The following HPSE2 variants were observed in gnomAD, a reference collection of about 807,000 sequenced individuals.
HPSE2 encodes the protein heparanase 2 (inactive).
In HPSE2, 38 loss-of-function variants were observed where a neutral mutation model predicts 60.5. The observed-to-expected ratio is 0.63, with a 90% CI of 0.48 to 0.82. The LOEUF (loss-of-function observed/expected upper bound fraction) is 0.82. Ranked by LOEUF, HPSE2 falls within the 40% of genes least tolerant of loss-of-function variation. The pLI is 0.00. For synonymous variants in HPSE2, 295 were observed against 293.2 expected (o/e 1.01, Z -0.06); for missense variants, 713 against 740.4 (o/e 0.96, Z 0.43).
chr10:99,136,410 T>C (rs1589714202), intron 3 of HPSE2, among the ~76,000 whole-genome samples: 1 of 152,180 alleles, frequency 6.6e-6, no homozygotes, highest in Non-Finnish European at 1.5e-5. Context: ...ATCATCCTGA[T>C]ACCAAAGCCT....
chr10:98,645,671 G>C (rs1222678572), intron 6 of HPSE2, among the ~76,000 whole-genome samples: 1 of 152,122 alleles, frequency 6.6e-6, no homozygotes, highest in Non-Finnish European at 1.5e-5. Context: ...ACTTTTAAGA[G>C]AGGGGATCAT....
chr10:99,053,719 CTTTTTTTTTT>C (rs11301458), intron 3 of HPSE2, among the ~76,000 whole-genome samples: 1 of 57,784 alleles, frequency 1.7e-5, no homozygotes, highest in African/African-American at 7.8e-5. Flanking sequence ...GAGTTACAGT[CTTTTTTTTTT>C]TTTTTTTTTT....
At chr10:98,855,676 G>A (rs114846152) in intron 3 of HPSE2, among the ~76,000 whole-genome samples, 477 of 152,164 alleles carry the variant, frequency 3.1e-3, no homozygotes, top group African/African-American at 0.011. Context: ...AATGACTGAC[G>A]AGAAAGCCCC....
rs10636449 is a variant in HPSE2 at position 98,570,451 on chromosome 10, A to ATTTTTT, written c.1320+44447_1320+44452dup. Reference sequence around the variant, plus strand: ...GGACTAAGAGGAAGTGTTTTTGTGGATTTTTTTTTTGGTCTTGTTTTTAAA... The same window carrying ATTTTTT: ...GGACTAAGAGGAAGTGTTTTTGTGGATTTTTTTTTTTTTTTTGGTCTTGTTTTTAAA... On this transcript the variant is annotated intron_variant, in intron 9 of 11. Coordinates refer to ENST00000370552, the MANE Select transcript of HPSE2 (RefSeq NM_021828.5). Among the ~76,000 whole-genome samples, 397 of 147,714 alleles carry ATTTTTT rather than the reference A, an allele frequency of 2.7e-3. 3 individuals are homozygous for ATTTTTT. Among genetic ancestry groups the ATTTTTT allele is most frequent in the African/African-American group, 5.5e-3 (222 of 40,434 alleles).
intron 5 of HPSE2, among the ~76,000 whole-genome samples, chr10:98,709,547 G>T (rs1948627410): frequency 6.6e-6 from 1 of 152,194 alleles, no homozygotes; most frequent in Admixed American, 6.6e-5. Context: ...AGAGGGAAGA[G>T]GACAGGGCCT....
At chr10:98,892,113 T>C (rs1258900228) in intron 3 of HPSE2, among the ~76,000 whole-genome samples, 2 of 152,150 alleles carry the variant, frequency 1.3e-5, no homozygotes, top group East Asian at 3.9e-4. Context: ...TTATGTATAC[T>C]TTGAGTATCT....
intron 3 of HPSE2, among the ~76,000 whole-genome samples, chr10:99,044,761 G>C (rs1031255870): frequency 1.3e-5 from 2 of 151,986 alleles, no homozygotes; most frequent in Admixed American, 1.3e-4. Flanking sequence ...AAAATAACAA[G>C]GGCAAAGAAG....
chr10:98,470,042 G>T (rs1940711537), intron 11 of HPSE2, among the ~76,000 whole-genome samples: 1 of 152,048 alleles, frequency 6.6e-6, no homozygotes, highest in Non-Finnish European at 1.5e-5. Context: ...GAGAATGTGG[G>T]GCTACAAAGC....
rs77375487 is a variant in HPSE2 at position 98,872,103 on chromosome 10, C to T, written c.611-128047G>A. 8.6e-3 allele frequency among the ~76,000 whole-genome samples: 1,304 copies of T among 151,900 alleles called. 15 individuals are homozygous for T. The highest frequency in any genetic ancestry group is 0.03 in the African/African-American group (1,251 of 41,434). Reference sequence around the variant, plus strand: ...ACCATTTAGGCATTTTTGTGAGGTCCGTTACTATATGGACTAGTACTAAAT... The same window carrying T: ...ACCATTTAGGCATTTTTGTGAGGTCTGTTACTATATGGACTAGTACTAAAT... On this transcript the variant is annotated intron_variant, in intron 3 of 11. Coordinates refer to ENST00000370552, the MANE Select transcript of HPSE2 (RefSeq NM_021828.5).
At chr10:98,612,328 G>A (rs529747455) in intron 9 of HPSE2, among the ~76,000 whole-genome samples, 6 of 152,114 alleles carry the variant, frequency 3.9e-5, no homozygotes, top group Non-Finnish European at 7.3e-5. Context: ...CTTACTACTC[G>A]TCTGACCTTG....
intron 3 of HPSE2, among the ~76,000 whole-genome samples, chr10:99,143,452 A>G (rs920435229): frequency 1.3e-5 from 2 of 152,188 alleles, no homozygotes; most frequent in Admixed American, 1.3e-4. Context: ...AATATTCATA[A>G]ACAAGGGAAA....
rs1372314595 is a variant in HPSE2 at position 98,457,644 on chromosome 10, C to G, written c.*1930G>C. 6.6e-6 allele frequency: 1 copy of G among 151,848 alleles called. No individual in the cohort carries two copies. Among genetic ancestry groups the G allele is most frequent in the Non-Finnish European group, 1.5e-5 (1 of 68,168 alleles). The allele number at this position is 151,848 out of a possible 1,614,324, so 9.4% of individuals were successfully genotyped here. On this transcript the variant is annotated 3_prime_UTR_variant, in exon 12 of 12. Coordinates refer to ENST00000370552, the MANE Select transcript of HPSE2 (RefSeq NM_021828.5). ...ACCTTTTAGTCTCATTTCTCTTTTCCTCTCTTTTCCTCACTTTGGCCTGTC... is the reference window on the plus strand; with the variant it reads ...ACCTTTTAGTCTCATTTCTCTTTTCGTCTCTTTTCCTCACTTTGGCCTGTC...
rs533058693 is a variant in HPSE2 at position 98,500,810 on chromosome 10, TAAGAA to T, written c.1321-10619_1321-10615del. Among the ~76,000 whole-genome samples the T allele has an allele frequency of 2.8e-3, 417 of 151,618 alleles. 2 individuals carry two copies. The highest frequency in any genetic ancestry group is 9.6e-3 in the African/African-American group (396 of 41,374). ...AACCAAGAAAAGAAGAAAAGAAGAT[TAAGAA>T]AAGAAGAGAGAAAGTCTAAATAACC... On this transcript the variant is annotated intron_variant, in intron 9 of 11. Transcript: ENST00000370552.
intron 3 of HPSE2, among the ~76,000 whole-genome samples, chr10:98,765,095 A>C (rs1020995153): frequency 2.0e-5 from 3 of 152,230 alleles, no homozygotes; most frequent in African/African-American, 7.2e-5. Flanking sequence ...TGGAGACTTC[A>C]ACACTTCTCT....
intron 6 of HPSE2, among the ~76,000 whole-genome samples, chr10:98,689,061 C>G (rs1024152978): frequency 1.3e-5 from 2 of 151,780 alleles, no homozygotes; most frequent in Non-Finnish European, 2.9e-5. Flanking sequence ...TATAATGTGC[C>G]CAGATAAAAT....
intron 3 of HPSE2, among the ~76,000 whole-genome samples, chr10:98,762,875 T>C (rs560038667): frequency 4.5e-4 from 69 of 152,164 alleles, no homozygotes; most frequent in African/African-American, 1.5e-3. Flanking sequence ...CCTGAGATGA[T>C]CCAGACATTG....
intron 9 of HPSE2, among the ~76,000 whole-genome samples, chr10:98,559,114 C>T (rs967677719): frequency 7.2e-5 from 11 of 152,140 alleles, no homozygotes; most frequent in African/African-American, 1.2e-4. Flanking sequence ...CTGCAACCTC[C>T]GCCTCTCAGG....
chr10:99,143,661 G>T lies in HPSE2; in HGVS notation c.610+577C>A, dbSNP rs570129866. On this transcript the variant is annotated intron_variant, in intron 3 of 11. Transcript: ENST00000370552. The stretch of plus-strand genomic sequence containing the variant: ...CATGCAGCTCATTTGCTCATTACCA[G>T]CAAGTCTGCAAGCAGCCTTGAAAAA... Among the ~76,000 whole-genome samples, 3 of 152,148 alleles carry T rather than the reference G, an allele frequency of 2.0e-5. No individual in the cohort carries two copies. The East Asian group carries it at 5.8e-4, about 29-fold the overall frequency.
At chr10:99,300,495 T>C in the HPSE2 span, among the ~76,000 whole-genome samples, 1 of 151,968 alleles carries the variant, frequency 6.6e-6, no homozygotes, top group Admixed American at 6.5e-5. Context: ...ATCCAAAAAT[T>C]AGGAGATTCA....
Sources: allele counts gnomAD v4.1 joint callset (sites outside exome capture counted in the v4.1 genomes callset), GRCh38; gene constraint gnomAD v4.1.1; transcripts MANE v1.5; gene names NCBI Gene and HGNC (gene_info 2026-07-23, HGNC 2026-07-21).